Variants in SPATA31H1 observed in about 807,000 individuals in gnomAD.
SPATA31H1 encodes spermatogenesis-associated protein 31H1.
chr2:27,563,656 T>C, the SPATA31H1 span, among the ~76,000 whole-genome samples: 3 of 151,764 alleles, frequency 2.0e-5, no homozygotes, highest in Non-Finnish European at 4.4e-5. Flanking sequence ...ACCTTCCAAG[T>C]TGAAGTAATT....
chr2:27,581,590 C>T, the SPATA31H1 span: 2 of 1,465,054 alleles, frequency 1.4e-6, no homozygotes, highest in South Asian at 2.6e-5. Flanking sequence ...CATCGCAGTC[C>T]CTCCCAGAGG....
the SPATA31H1 span, among the ~76,000 whole-genome samples, chr2:27,539,269 C>G: frequency 6.7e-6 from 1 of 150,264 alleles, no homozygotes; most frequent in Non-Finnish European, 1.5e-5. Flanking sequence ...TCCGGCCTTC[C>G]GCAGTGTTTG....
At chr2:27,558,238 A>AG in the SPATA31H1 span, among the ~76,000 whole-genome samples, 1 of 996 alleles carries the variant, frequency 1.0e-3, no homozygotes, top group East Asian at 5.6e-3. Context: ...GCTGCGGCCC[A>AG]GCAGAGGCGC....
chr2:27,551,369 G>A, the SPATA31H1 span, among the ~76,000 whole-genome samples: 9 of 151,852 alleles, frequency 5.9e-5, no homozygotes, highest in African/African-American at 1.7e-4. Flanking sequence ...TTTTCACCTC[G>A]TTATATGAGA....
At chr2:27,540,074 T>C in the SPATA31H1 span, among the ~76,000 whole-genome samples, 1 of 92,414 alleles carries the variant, frequency 1.1e-5, no homozygotes, top group Non-Finnish European at 2.1e-5. Flanking sequence ...GGTCCTCACT[T>C]CCCAGTAGGG....
At chr2:27,561,449 A>T in the SPATA31H1 span, among the ~76,000 whole-genome samples, 9 of 152,144 alleles carry the variant, frequency 5.9e-5, no homozygotes, top group Non-Finnish European at 1.3e-4. Flanking sequence ...CCATCATCTC[A>T]CTTATCTCTT....
the SPATA31H1 span, chr2:27,566,000 A>G: frequency 1.4e-6 from 1 of 716,896 alleles, no homozygotes; most frequent in East Asian, 2.7e-5. Context: ...GATCATGATC[A>G]TCAATAGTCA....
chr2:27,547,039 G>T, the SPATA31H1 span, among the ~76,000 whole-genome samples: 1 of 151,896 alleles, frequency 6.6e-6, no homozygotes, highest in African/African-American at 2.4e-5. Flanking sequence ...TCAGGTAAAT[G>T]TATACATGTG....
chr2:27,577,371 C>A, the SPATA31H1 span: 3 of 1,614,040 alleles, frequency 1.9e-6, no homozygotes, highest in African/African-American at 4.0e-5. The surrounding 1 kb of genome is among the most constrained non-coding windows in gnomAD (Gnocchi z 4.5). Context: ...AGGGATTACT[C>A]CGGAACTCAA....
At chr2:27,582,337 G>C in the SPATA31H1 span, 11 of 1,608,192 alleles carry the variant, frequency 6.8e-6, no homozygotes, top group African/African-American at 6.8e-5. Flanking sequence ...AGGCCCTCTG[G>C]GAGGAACCAT....
the SPATA31H1 span, among the ~76,000 whole-genome samples, chr2:27,561,032 GTCT>G: frequency 6.6e-6 from 1 of 152,150 alleles, no homozygotes; most frequent in African/African-American, 2.4e-5. Flanking sequence ...ATGTGGGAAG[GTCT>G]TCTACTGGAT....
chr2:27,571,100 T>C, the SPATA31H1 span: 1 of 398,520 alleles, frequency 2.5e-6, no homozygotes, highest in Non-Finnish European at 4.4e-6. Flanking sequence ...ATATGACATC[T>C]GCGGAATTAA....
chr2:27,554,493 T>A, the SPATA31H1 span, among the ~76,000 whole-genome samples: 1 of 152,060 alleles, frequency 6.6e-6, no homozygotes, highest in Admixed American at 6.5e-5. Context: ...GGTGAGGTAC[T>A]TCTAGGTTGC....
the SPATA31H1 span, chr2:27,578,175 C>T: frequency 6.2e-7 from 1 of 1,614,002 alleles, no homozygotes; most frequent in African/African-American, 1.3e-5. Flanking sequence ...GCCAACCCCT[C>T]AAATGGTAGA....
chr2:27,581,290 G>T, the SPATA31H1 span: 2 of 1,614,014 alleles, frequency 1.2e-6, no homozygotes, highest in African/African-American at 1.3e-5. Context: ...TCTGAGAGAA[G>T]CCAACGCAGT....
the SPATA31H1 span, chr2:27,578,857 C>T: frequency 6.2e-7 from 1 of 1,614,124 alleles, no homozygotes; most frequent in Non-Finnish European, 8.5e-7. Flanking sequence ...CAGGAAGTAT[C>T]CAGAGCTTTG....
the SPATA31H1 span, chr2:27,579,661 CAG>C: frequency 1.2e-6 from 2 of 1,614,142 alleles, no homozygotes. Flanking sequence ...CTGGTAAAGT[CAG>C]AGTCTTCCCT....
the SPATA31H1 span, chr2:27,575,326 A>G: frequency 2.5e-6 from 1 of 398,558 alleles, no homozygotes; most frequent in East Asian, 3.6e-5. This position sits in a 1 kb window ranked among gnomAD's most constrained non-coding sequence, Gnocchi z 4.1. Context: ...CCAGACCTTC[A>G]AAGTGTAAAA....
At chr2:27,565,554 A>T in the SPATA31H1 span, 1 of 616,222 alleles carries the variant, frequency 1.6e-6, no homozygotes, top group African/African-American at 1.9e-5. Context: ...ATATGTATGT[A>T]TACGGCTCCA....
Sources: allele counts gnomAD v4.1 joint callset (sites outside exome capture counted in the v4.1 genomes callset), GRCh38; gene constraint gnomAD v4.1.1; non-coding constraint Gnocchi (gnomAD v3.1); transcripts MANE v1.5; gene names NCBI Gene and HGNC (gene_info 2026-07-23, HGNC 2026-07-21).